STK38: variants seen among roughly 807,000 people sequenced by gnomAD.
STK38 encodes serine/threonine kinase 38.
In STK38, 26 loss-of-function variants were observed where a neutral mutation model predicts 59.0. That is an observed-to-expected ratio of 0.44 (90% CI 0.32 to 0.61). STK38 has a LOEUF of 0.61. Among genes scored for constraint, STK38 ranks in the 20% least tolerant of loss-of-function variants. The probability of loss-of-function intolerance (pLI) is 0.04; values close to 1 mark genes in which losing one functional copy is unlikely to be tolerated. For synonymous variants in STK38, 175 were observed against 176.6 expected, an observed-to-expected ratio of 0.99 and a Z score of 0.07; for missense variants, 433 against 566.0, an observed-to-expected ratio of 0.76 and a Z score of 2.38.
chr6:36,496,311 G>T (rs1464750588), intron 13 of STK38, among the ~76,000 whole-genome samples: 1 of 152,024 alleles, frequency 6.6e-6, no homozygotes, highest in Non-Finnish European at 1.5e-5. Context: ...CAAAGTGCTG[G>T]GGTTTCAGGC....
At chr6:36,526,920 G>A (rs1223253084) in intron 2 of STK38, among the ~76,000 whole-genome samples, 4 of 151,086 alleles carry the variant, frequency 2.6e-5, no homozygotes, top group African/African-American at 4.9e-5. Context: ...AAGGCCGGGC[G>A]TGGTGGCTCA....
chr6:36,515,250 C>G (rs79879411), intron 7 of STK38, 88 bp downstream of exon 7: 1 of 1,467,912 alleles, frequency 6.8e-7, no homozygotes, highest in Non-Finnish European at 9.1e-7. Context: ...AGCTCGCCCA[C>G]TGGGATGACC....
At chr6:36,506,779 G>T in intron 8 of STK38, 135 bp from the exon 9 acceptor site, 1 of 707,568 alleles carries the variant, frequency 1.4e-6, no homozygotes, top group Non-Finnish European at 2.3e-6. Flanking sequence ...AGCTCCAGAT[G>T]ATACATATCC....
intron 7 of STK38, among the ~76,000 whole-genome samples, chr6:36,509,147 G>A (rs892909556): frequency 2.0e-5 from 3 of 152,206 alleles, no homozygotes; most frequent in African/African-American, 7.2e-5. Flanking sequence ...CAGGTCCCAG[G>A]TTCTTGTCCT....
Position 36,524,450 on chromosome 6 carries a change from C to G in STK38, c.197G>C (p.Arg66Thr). ...GLKDEEKRLRRSAHARKETEF... is the reference protein window; with the variant it reads ...GLKDEEKRLRTSAHARKETEF... Reference sequence around the variant, plus strand: ...TGTTTCCTTCCGAGCATGTGCTGATCTCCGGAGTCGTTTCTAATATTTAAA... The same window carrying G: ...TGTTTCCTTCCGAGCATGTGCTGATGTCCGGAGTCGTTTCTAATATTTAAA... The change falls in exon 4 of 14, where the codon AGA becomes ACA. Residue 66 changes from arginine to threonine, a missense_variant. Arg to Thr is a moderately conservative substitution (Grantham distance 71, BLOSUM62 -1). This residue lies in a region of STK38 where 293 missense variants were observed against 388.2 expected (regional missense o/e 0.75). Transcript: ENST00000229812. The G allele has an allele frequency of 6.2e-7, 1 of 1,602,008 alleles. No homozygotes were observed. Among genetic ancestry groups the G allele is most frequent in the South Asian group, 1.1e-5 (1 of 88,160 alleles).
At chr6:36,531,974 C>T (rs1422671919) in intron 2 of STK38, among the ~76,000 whole-genome samples, 1 of 152,012 alleles carries the variant, frequency 6.6e-6, no homozygotes, top group African/African-American at 2.4e-5. Context: ...CTAGACAAGA[C>T]ACAAAATAAA....
intron 2 of STK38, among the ~76,000 whole-genome samples, chr6:36,536,745 G>A (rs1025069590): frequency 2.0e-5 from 3 of 151,632 alleles, no homozygotes; most frequent in South Asian, 2.1e-4. Flanking sequence ...CATGTTGGTC[G>A]GGCTGGTCTC....
rs1776736489 is a variant in STK38, at chr6:36,497,643, G to T, written c.1172+137C>A. On this transcript the variant is annotated intron_variant, in intron 12 of 13. Coordinates refer to ENST00000229812, the MANE Select transcript of STK38 (RefSeq NM_007271.4). ...CTAATGCCCAATCTTCACCATGAAT[G>T]AAAATCAGGAAAAGACCCTAAATCT... 7.3e-6 allele frequency: 5 copies of T among 683,724 alleles called. No individual in the cohort carries two copies. The South Asian group carries it at 8.7e-5, about 12-fold the overall frequency. 42.4% of individuals were successfully genotyped at this position (683,724 alleles called of 1,614,324 possible).
intron 6 of STK38, among the ~76,000 whole-genome samples, chr6:36,517,005 ATG>A (rs1421822408): frequency 9.9e-5 from 15 of 152,058 alleles, no homozygotes; most frequent in African/African-American, 2.9e-4. Context: ...TTTTTATTAA[ATG>A]TGTTTCTTTA....
At chr6:36,546,539 T>C (rs1016166129) in intron 1 of STK38, among the ~76,000 whole-genome samples, 1 of 152,216 alleles carries the variant, frequency 6.6e-6, no homozygotes, top group Non-Finnish European at 1.5e-5. Flanking sequence ...AGTCTTTTAG[T>C]CGTTTCAGAA....
intron 5 of STK38, among the ~76,000 whole-genome samples, chr6:36,519,059 G>T (rs1777322563): frequency 6.6e-6 from 1 of 152,098 alleles, no homozygotes; most frequent in Non-Finnish European, 1.5e-5. Flanking sequence ...TATCTAACTT[G>T]CTTCAGGCTT....
At chr6:36,501,051 C>T in intron 9 of STK38, among the ~76,000 whole-genome samples, 1 of 152,120 alleles carries the variant, frequency 6.6e-6, no homozygotes, top group East Asian at 1.9e-4. Flanking sequence ...CTCCTAGGCT[C>T]AAGAGATCCT....
At position 36,498,404 on chromosome 6, in the gene STK38, T is replaced by C; in HGVS notation, c.1035A>G (p.Pro345=). ...MNWKETLTFP[P]EVPISEKAKD... ...TGGCTTTCTCAGAGATGGGAACTTCTGGAGGAAAAGTCAAAGTTTCTTTCC... is the reference window on the plus strand; with the variant it reads ...TGGCTTTCTCAGAGATGGGAACTTCCGGAGGAAAAGTCAAAGTTTCTTTCC... Residue 345 remains proline (P), a synonymous_variant, in exon 11 of 14, where the codon CCA becomes CCG. Coordinates refer to ENST00000229812, the MANE Select transcript of STK38 (RefSeq NM_007271.4). 4 of 1,614,058 alleles carry C rather than the reference T, an allele frequency of 2.5e-6. No individual in the cohort carries two copies. The South Asian group carries it at 3.3e-5, about 13-fold the overall frequency.
rs1477159567 is a variant in STK38 at position 36,499,807 on chromosome 6, G to A, written c.952+66C>T. On this transcript the variant is annotated intron_variant, in intron 10 of 13. Transcript: ENST00000229812. ...TAGATCACTGCCAATTGAAACAGAG[G>A]CTGGTATCAATGTAAAAGTCTGTCA... 7.2e-6 allele frequency: 9 copies of A among 1,245,046 alleles called. No individual in the cohort carries two copies. In the East Asian group the frequency reaches 1.9e-4, roughly 26 times the overall value. The allele number at this position is 1,245,046 out of a possible 1,614,324, so 77.1% of individuals were successfully genotyped here.
At chr6:36,499,813 A>T in intron 10 of STK38, 60 bp downstream of exon 10, 1 of 1,286,944 alleles carries the variant, frequency 7.8e-7, no homozygotes, top group Non-Finnish European at 1.1e-6. Context: ...AGAGGCTGGT[A>T]TCAATGTAAA....
chr6:36,522,876 A>AAG (rs1554168330), intron 4 of STK38, among the ~76,000 whole-genome samples: 2,318 of 98,646 alleles, frequency 0.023, 59 homozygotes, highest in African/African-American at 0.083. Flanking sequence ...AAAAAAAAAA[A>AAG]AAGAAGAAGA....
intron 1 of STK38, 107 bp from the exon 2 acceptor site, chr6:36,540,314 G>C: frequency 1.9e-6 from 2 of 1,045,840 alleles, no homozygotes; most frequent in Non-Finnish European, 2.8e-6. Flanking sequence ...GTTTTCTGGA[G>C]GACAAACAGG....
chr6:36,529,073 C>T (rs1777606231), intron 2 of STK38, among the ~76,000 whole-genome samples: 1 of 152,058 alleles, frequency 6.6e-6, no homozygotes, highest in Admixed American at 6.6e-5. Flanking sequence ...CTTGAGGACA[C>T]CAAAAACAGC....
chr6:36,519,195 C>T (rs1330005299), intron 5 of STK38, among the ~76,000 whole-genome samples: 1 of 152,142 alleles, frequency 6.6e-6, no homozygotes, highest in African/African-American at 2.4e-5. Flanking sequence ...TACATCTTTA[C>T]ATCTGTACTT....
Sources: gnomAD v4.1 joint callset for allele counts (sites outside exome capture counted in the v4.1 genomes callset) on GRCh38, gnomAD v4.1.1 for gene constraint, gnomAD v4.1.1 regional missense constraint, MANE v1.5 for transcripts, NCBI Gene and HGNC (gene_info 2026-07-23, HGNC 2026-07-21) for gene names.